The following CELSR2 variants were observed in gnomAD, a reference collection of about 807,000 sequenced individuals.
CELSR2 encodes the protein cadherin EGF LAG seven-pass G-type receptor 2.
CELSR2 carries 81 observed loss-of-function variants against 251.6 expected under a neutral mutation model. The ratio of observed to expected loss-of-function variants is 0.32; its 90% CI spans 0.27 to 0.39. The LOEUF is 0.39. Ranked by LOEUF, CELSR2 falls within the 10% of genes least tolerant of loss-of-function variation. The pLI is 1.00. For synonymous variants in CELSR2, 1,721 were observed against 1,670.5 expected, an observed-to-expected ratio of 1.03 and a Z score of -0.74; for missense variants, 3,365 against 3,947.7, an observed-to-expected ratio of 0.85 and a Z score of 3.96.
In CELSR2 at chr1:109,250,004, C is replaced by T. The variant is rs1570772342; in HGVS notation, c.-76C>T. 2 of 1,223,720 alleles carry T rather than the reference C, an allele frequency of 1.6e-6. No individual in the cohort carries two copies. The highest frequency in any genetic ancestry group is 3.2e-5 in the African/African-American group (2 of 63,226). 75.8% of individuals were successfully genotyped at this position (1,223,720 alleles called of 1,614,324 possible). On this transcript the variant is annotated 5_prime_UTR_variant, in exon 1 of 34. Transcript: ENST00000271332. The surrounding 1 kb of genome is among the most constrained non-coding windows in gnomAD (Gnocchi z 4.4). ...CTGGCGCCCTGGCCCGGGCATGAGGCGCGGCGGGGCCGGCAGGAGCCGGAG... is the reference window on the plus strand; with the variant it reads ...CTGGCGCCCTGGCCCGGGCATGAGGTGCGGCGGGGCCGGCAGGAGCCGGAG...
chr1:109,261,939 C>T lies in CELSR2; in HGVS notation c.4386+43C>T, dbSNP rs1338509908. On this transcript the variant is annotated intron_variant, in intron 5 of 33. Coordinates refer to ENST00000271332, the MANE Select transcript of CELSR2 (RefSeq NM_001408.3). The surrounding 1 kb of genome is among the most constrained non-coding windows in gnomAD (Gnocchi z 4.8). ...AGAGGGTTGGGGGTTCTGTTCTTGC[C>T]TCAGGTGCTTACCCAGCCCTGAGTG... 6.5e-7 allele frequency: 1 copy of T among 1,536,492 alleles called. No homozygotes were observed. The highest frequency in any genetic ancestry group is 2.4e-5 in the East Asian group (1 of 40,922).
At chr1:109,273,895 T>G in intron 33 of CELSR2, 127 bp from the exon 34 acceptor site, 1 of 1,329,688 alleles carries the variant, frequency 7.5e-7, no homozygotes. Context: ...TAGGGCAGAG[T>G]GCGGGAGGAT....
Position 109,263,262 on chromosome 1 carries a change from C to A in CELSR2, c.4829C>A (p.Ala1610Asp), listed in dbSNP as rs1211841023. The change falls in exon 8 of 34, where the codon GCC becomes GAC. Residue 1610 changes from alanine (A) to aspartate (D), a missense_variant. Physicochemically the swap from Ala to Asp is moderately radical, Grantham distance 126 (BLOSUM62 -2). Coordinates refer to ENST00000271332, the MANE Select transcript of CELSR2 (RefSeq NM_001408.3). ...CTGGGCTTTGGGGGCAAGAGCTGCG[C>A]CCAGGGTAGGAGGGGCGGCTGTTAG... ...CPLGFGGKSC[A>D]QEMANPQHFL... 3 of 1,579,078 alleles carry A rather than the reference C, an allele frequency of 1.9e-6. No individual in the cohort carries two copies. The South Asian group carries it at 3.4e-5, about 18-fold the overall frequency.
intron 28 of CELSR2, 111 bp from the exon 29 acceptor site, chr1:109,272,167 C>A: frequency 7.3e-7 from 1 of 1,374,744 alleles, no homozygotes; most frequent in Non-Finnish European, 9.9e-7. Context: ...TCTTTCAGAC[C>A]TGAGCATGTG....
chr1:109,256,125 C>G (rs904148285), intron 1 of CELSR2, among the ~76,000 whole-genome samples: 1 of 152,188 alleles, frequency 6.6e-6, no homozygotes, highest in African/African-American at 2.4e-5. Flanking sequence ...GCAGATATAC[C>G]AGGTATACAA....
At chr1:109,267,444 TCCC>T (rs2101268391) in intron 15 of CELSR2, 101 bp from the exon 16 acceptor site, 3 of 1,008,368 alleles carry the variant, frequency 3.0e-6, no homozygotes, top group South Asian at 3.1e-5. Flanking sequence ...CTAGTTACTG[TCCC>T]CGGCCCATGA....
Position 109,261,709 on chromosome 1 carries a change from T to C in CELSR2, c.4297+81T>C. The C allele has an allele frequency of 6.5e-7, 1 of 1,548,134 alleles. No homozygotes were observed. The highest frequency in any genetic ancestry group is 8.9e-7 in the Non-Finnish European group (1 of 1,125,530). On this transcript the variant is annotated intron_variant, in intron 4 of 33. Transcript: ENST00000271332. The surrounding 1 kb of genome is among the most constrained non-coding windows in gnomAD (Gnocchi z 4.8). ...GCCCCTGACCCCAAGCCACATACTC[T>C]ATCAGCCAAATCTGGGCCCAGCCCC...
Position 109,252,733 on chromosome 1 carries a change from C to T in CELSR2, c.2654C>T (p.Ala885Val). ...TLRRLDRENVAQYVLRAYAVD... is the reference protein window; with the variant it reads ...TLRRLDRENVVQYVLRAYAVD... ...CGGAGGCTGGATCGAGAGAACGTGG[C>T]CCAGTATGTCTTGCGGGCATATGCA... The change falls in exon 1 of 34, where the codon GCC becomes GTC. Residue 885 changes from alanine (A) to valine (V), a missense_variant. Transcript: ENST00000271332. The surrounding 1 kb of genome is among the most constrained non-coding windows in gnomAD (Gnocchi z 4.8). 6.2e-7 allele frequency: 1 copy of T among 1,614,046 alleles called. No homozygotes were observed. The highest frequency in any genetic ancestry group is 8.5e-7 in the Non-Finnish European group (1 of 1,180,034).
rs780095553 is a variant in CELSR2 at position 109,269,321 on chromosome 1, G to C, written c.6812+31G>C. ...CAGCTAGGGGACAGGTGTGGGTAGG[G>C]GTATGGGTCGGGCGGTGAGTGCTGA... is the stretch of plus-strand genomic sequence containing the variant. On this transcript the variant is annotated intron_variant, in intron 20 of 33. Coordinates refer to ENST00000271332, the MANE Select transcript of CELSR2 (RefSeq NM_001408.3). The surrounding 1 kb of genome is among the most constrained non-coding windows in gnomAD (Gnocchi z 6.4). The C allele has an allele frequency of 6.2e-7, 1 of 1,612,212 alleles. No individual in the cohort carries two copies.
In CELSR2 at chr1:109,249,552, G is replaced by A. The variant is rs1421848006; in HGVS notation, c.-528G>A. 6.6e-6 allele frequency among the ~76,000 whole-genome samples: 1 copy of A among 150,786 alleles called. No individual in the cohort carries two copies. Among genetic ancestry groups the A allele is most frequent in the Non-Finnish European group, 1.5e-5 (1 of 67,652 alleles). ...CGCCGCGACTCTGCAGAGCTCGCCC[G>A]CCCGCCGGGGAGGCGAGGGAGCGCG... On this transcript the variant is annotated 5_prime_UTR_variant, in exon 1 of 34. Transcript: ENST00000271332.
intron 13 of CELSR2, 29 bp from the exon 14 acceptor site, chr1:109,265,706 A>G (rs1335472152): frequency 1.3e-6 from 2 of 1,593,964 alleles, no homozygotes; most frequent in East Asian, 2.3e-5. Flanking sequence ...GAGCCTGGCC[A>G]GTGACACCGT....
Position 109,261,592 on chromosome 1 carries a change from G to A in CELSR2, c.4261G>A (p.Val1421Met). 6.2e-7 allele frequency: 1 copy of A among 1,614,176 alleles called. No homozygotes were observed. The change falls in exon 4 of 34, where the codon GTG becomes ATG. Residue 1421 changes from valine to methionine, a missense_variant. This residue lies in a region of CELSR2 where 2,093 missense variants were observed against 2,382.8 expected (regional missense o/e 0.88). Coordinates refer to ENST00000271332, the MANE Select transcript of CELSR2 (RefSeq NM_001408.3). This position sits in a 1 kb window ranked among gnomAD's most constrained non-coding sequence, Gnocchi z 4.8. ...GAAGCATGACTTTGTGGCCCTCGAG[G>A]TGATCCAGGAGCAGGTCCAGCTCAC... ...NEKHDFVALE[V>M]IQEQVQLTFS...
In CELSR2 at chr1:109,251,839, C is replaced by G; in HGVS notation, c.1760C>G (p.Thr587Ser). 1 of 1,614,138 alleles carries G rather than the reference C, an allele frequency of 6.2e-7. No homozygotes were observed. The highest frequency in any genetic ancestry group is 8.5e-7 in the Non-Finnish European group (1 of 1,180,028). ...GGGGTAGAAGCTCGAGACCATGGCA[C>G]TCCAGCACTCACTGCCTCGGCCAGT... ...SFGVEARDHG[T>S]PALTASASVS... The change falls in exon 1 of 34, where the codon ACT (threonine) becomes AGT (serine). Residue 587 changes from threonine (T) to serine (S), a missense_variant. By Grantham distance (58) the Thr-to-Ser change is moderately conservative. This residue lies in a region of CELSR2 where 704 missense variants were observed against 784.1 expected (regional missense o/e 0.90). Transcript: ENST00000271332. The surrounding 1 kb of genome is among the most constrained non-coding windows in gnomAD (Gnocchi z 4.9).
intron 15 of CELSR2, 53 bp from the exon 16 acceptor site, chr1:109,267,493 CAG>C (rs1179872061): frequency 4.1e-5 from 64 of 1,549,280 alleles, no homozygotes; most frequent in East Asian, 2.7e-4. Flanking sequence ...CAGCCAGTCT[CAG>C]GGGCTTCCTG....
rs1299620139 is a variant in CELSR2, at chr1:109,275,650, A to G, written c.*1601A>G. ...GCTGGATGCTAACTTGGTACTAACC[A>G]TCAGATTGTACAGTTTGGTTGTTGC... On this transcript the variant is annotated 3_prime_UTR_variant, in exon 34 of 34. Coordinates refer to ENST00000271332, the MANE Select transcript of CELSR2 (RefSeq NM_001408.3). The G allele has an allele frequency of 6.6e-6, 1 of 152,234 alleles. No individual in the cohort carries two copies. Among genetic ancestry groups the G allele is most frequent in the Non-Finnish European group, 1.5e-5 (1 of 68,036 alleles). The allele number at this position is 152,234 out of a possible 1,614,324, so 9.4% of individuals were successfully genotyped here. A position where few individuals can be genotyped will look rare whatever the true frequency, so the allele number is the denominator to read the frequency against.
At position 109,261,871 on chromosome 1, in the gene CELSR2, C is replaced by T. The variant is rs747147471; in HGVS notation, c.4361C>T (p.Thr1454Met). The change falls in exon 5 of 34, where the codon ACG (threonine) becomes ATG (methionine). Residue 1454 changes from threonine (T) to methionine (M), a missense_variant. Thr to Met is a moderately conservative substitution (Grantham distance 81, BLOSUM62 -1). Coordinates refer to ENST00000271332, the MANE Select transcript of CELSR2 (RefSeq NM_001408.3). The surrounding 1 kb of genome is among the most constrained non-coding windows in gnomAD (Gnocchi z 4.8). The stretch of plus-strand genomic sequence containing the variant: ...GGAGTCAGTGATGGCCAGTGGCATA[C>T]GGTGCAGCTGAAATACTACAATAAG... ...PGGVSDGQWHTVQLKYYNKPL... is the reference protein window; with the variant it reads ...PGGVSDGQWHMVQLKYYNKPL... 6.0e-5 allele frequency: 96 copies of T among 1,587,678 alleles called. No individual in the cohort carries two copies. The highest frequency in any genetic ancestry group is 1.7e-4 in the Middle Eastern group (1 of 6,054).
chr1:109,251,177 G>C lies in CELSR2; in HGVS notation c.1098G>C (p.Thr366=), dbSNP rs755549032. The C allele has an allele frequency of 6.2e-7, 1 of 1,613,568 alleles. No homozygotes were observed. Among genetic ancestry groups the C allele is most frequent in the Admixed American group, 1.7e-5 (1 of 60,020 alleles). Residue 366 remains threonine (T), a synonymous_variant, in exon 1 of 34, where the codon ACG becomes ACC. Coordinates refer to ENST00000271332, the MANE Select transcript of CELSR2 (RefSeq NM_001408.3). This position sits in a 1 kb window ranked among gnomAD's most constrained non-coding sequence, Gnocchi z 4.9. Reference sequence around the variant, plus strand: ...AAGAGGTGGAATCCTACCAGCTGACGGTAGAGGCAAGTGACCAGGGTCGGG... The same window carrying C: ...AAGAGGTGGAATCCTACCAGCTGACCGTAGAGGCAAGTGACCAGGGTCGGG... ...DREEVESYQL[T]VEASDQGRDP...
chr1:109,250,240 T>C lies in CELSR2; in HGVS notation c.161T>C (p.Met54Thr), dbSNP rs1214916673. 6.2e-7 allele frequency: 1 copy of C among 1,608,624 alleles called. No homozygotes were observed. Residue 54 changes from methionine to threonine, a missense_variant, in exon 1 of 34, where the codon ATG becomes ACG. Physicochemically the swap from Met to Thr is moderately conservative, Grantham distance 81 (BLOSUM62 -1). Coordinates refer to ENST00000271332, the MANE Select transcript of CELSR2 (RefSeq NM_001408.3). This position sits in a 1 kb window ranked among gnomAD's most constrained non-coding sequence, Gnocchi z 4.4. ...GRGSSGACAPMGWLCPSSASN... is the reference protein window; with the variant it reads ...GRGSSGACAPTGWLCPSSASN... ...GGCTCTTCGGGGGCCTGCGCCCCCA[T>C]GGGCTGGCTCTGTCCATCCTCAGCG... is the stretch of plus-strand genomic sequence containing the variant.
chr1:109,258,661 C>T lies in CELSR2; in HGVS notation c.3540C>T (p.Ile1180=), dbSNP rs780401235. Residue 1180 remains isoleucine (I), a synonymous_variant, in exon 2 of 34, where the codon ATC becomes ATT. Coordinates refer to ENST00000271332, the MANE Select transcript of CELSR2 (RefSeq NM_001408.3). ...ACACCGACGCCCCCGGGGGCCACATCCTCAACGTGAGCCTGTCGGTGGGCC... is the reference window on the plus strand; with the variant it reads ...ACACCGACGCCCCCGGGGGCCACATTCTCAACGTGAGCCTGTCGGTGGGCC... The part of the protein sequence containing the change: ...QRDTDAPGGH[I]LNVSLSVGQP... 201 of 1,548,916 alleles carry T rather than the reference C, an allele frequency of 1.3e-4. 1 individual carries two copies. The African/African-American group carries it at 2.4e-3, about 19-fold the overall frequency.
Sources: gnomAD v4.1 joint callset for allele counts (sites outside exome capture counted in the v4.1 genomes callset) on GRCh38, gnomAD v4.1.1 for gene constraint, gnomAD v4.1.1 regional missense constraint, Gnocchi (gnomAD v3.1) non-coding constraint, MANE v1.5 for transcripts, NCBI Gene and HGNC (gene_info 2026-07-23, HGNC 2026-07-21) for gene names.